ROBO1: variants seen among roughly 807,000 people sequenced by gnomAD.
The protein encoded by ROBO1 is roundabout guidance receptor 1.
ROBO1 carries 149 observed loss-of-function variants against 195.9 expected under a neutral mutation model. That is an observed-to-expected ratio of 0.76 (90% confidence interval 0.67 to 0.87). ROBO1 has a LOEUF of 0.87. Ranked by LOEUF, ROBO1 falls within the 40% of genes least tolerant of loss-of-function variation. ROBO1 has a pLI of 0.00. For synonymous variants in ROBO1, 816 were observed against 733.2 expected, an observed-to-expected ratio of 1.11 and a Z score of -1.82; for missense variants, 1,933 against 2,068.3, an observed-to-expected ratio of 0.93 and a Z score of 1.27.
chr3:78,789,284 T>C (rs980167337), intron 4 of ROBO1, among the ~76,000 whole-genome samples: 7 of 152,184 alleles, frequency 4.6e-5, no homozygotes, highest in African/African-American at 1.7e-4. Context: ...TTGATATTGA[T>C]AATAGCATTC....
chr3:78,951,978 T>C (rs111574801), intron 3 of ROBO1, among the ~76,000 whole-genome samples: 1 of 151,784 alleles, frequency 6.6e-6, no homozygotes. Context: ...GAATTATATA[T>C]ATAATTTTAT....
intron 2 of ROBO1, among the ~76,000 whole-genome samples, chr3:79,310,246 G>A (rs1412408868): frequency 6.6e-6 from 1 of 152,130 alleles, no homozygotes; most frequent in Non-Finnish European, 1.5e-5. Context: ...CTCATATTGT[G>A]CACCCTGACT....
chr3:78,634,370 A>G (rs909682095), intron 23 of ROBO1: 4 of 188,234 alleles, frequency 2.1e-5, no homozygotes, highest in Non-Finnish European at 4.6e-5. Context: ...AATAAAAAAT[A>G]TATCTATGAT....
At position 79,390,638 on chromosome 3, in the gene ROBO1, G is replaced by T. The variant is rs375569929; in HGVS notation, c.88+199186C>A. Among the ~76,000 whole-genome samples, 7 of 152,226 alleles carry T rather than the reference G, an allele frequency of 4.6e-5. No homozygotes were observed. In the East Asian group the frequency reaches 9.7e-4, roughly 21 times the overall value. ...TAAGAGGCAAACAAAGAAGTGATCT[G>T]CATTCAACAAAATGAAGATGGCTGA... On this transcript the variant is annotated intron_variant, in intron 2 of 30. Transcript: ENST00000464233.
At chr3:79,626,457 C>CA (rs951643082) in intron 1 of ROBO1, among the ~76,000 whole-genome samples, 7 of 151,500 alleles carry the variant, frequency 4.6e-5, no homozygotes, top group Non-Finnish European at 7.4e-5. Flanking sequence ...AAAACAAAAA[C>CA]AAAAAAACCT....
rs564815710 is a variant in ROBO1, at chr3:79,481,150, G to A, written c.88+108674C>T. Among the ~76,000 whole-genome samples, 9 of 152,176 alleles carry A rather than the reference G, an allele frequency of 5.9e-5. No individual in the cohort carries two copies. The South Asian group carries it at 1.9e-3, about 32-fold the overall frequency. The stretch of plus-strand genomic sequence containing the variant: ...GAATAATGAAATCCATCTATAGAAA[G>A]AAATCGACTGCCTTGCAACGAAAAT... On this transcript the variant is annotated intron_variant, in intron 2 of 30. Transcript: ENST00000464233.
chr3:79,724,506 C>T (rs1430079465), intron 1 of ROBO1, among the ~76,000 whole-genome samples: 1 of 152,196 alleles, frequency 6.6e-6, no homozygotes, highest in East Asian at 1.9e-4. Context: ...AGACTTATGT[C>T]TTGTTAACAG....
At chr3:78,987,484 A>G (rs2077136827) in intron 3 of ROBO1, among the ~76,000 whole-genome samples, 1 of 152,140 alleles carries the variant, frequency 6.6e-6, no homozygotes, top group Non-Finnish European at 1.5e-5. Flanking sequence ...GAGGGAGACT[A>G]GCCATCCTTC....
chr3:78,945,614 C>G (rs1334307738), intron 3 of ROBO1, among the ~76,000 whole-genome samples: 2 of 152,156 alleles, frequency 1.3e-5, no homozygotes, highest in Admixed American at 6.5e-5. Flanking sequence ...CAGAGCGCCT[C>G]TCCTCCTCCA....
Position 79,567,950 on chromosome 3 carries a change from A to G in ROBO1, c.88+21874T>C, listed in dbSNP as rs115031799. 5.9e-3 allele frequency among the ~76,000 whole-genome samples: 899 copies of G among 152,300 alleles called. 11 individuals carry two copies. The highest frequency in any genetic ancestry group is 0.031 in the Middle Eastern group (9 of 292). On this transcript the variant is annotated intron_variant, in intron 2 of 30. Coordinates refer to ENST00000464233, the MANE Select transcript of ROBO1 (RefSeq NM_002941.4). The stretch of plus-strand genomic sequence containing the variant: ...TTCTAAAAAAAGTATGGATTTTATT[A>G]TACCAATCTTTCTTAGATATGTTTT...
chr3:78,834,180 G>A (rs1034081524), intron 4 of ROBO1, among the ~76,000 whole-genome samples: 1 of 151,980 alleles, frequency 6.6e-6, no homozygotes, highest in Non-Finnish European at 1.5e-5. Flanking sequence ...GATTAAAGCA[G>A]TTTTTATAGA....
intron 2 of ROBO1, among the ~76,000 whole-genome samples, chr3:79,292,383 G>C (rs952146208): frequency 2.0e-5 from 3 of 152,104 alleles, no homozygotes; most frequent in Non-Finnish European, 4.4e-5. Flanking sequence ...TCTTTTGATT[G>C]ATTTCCCTGG....
intron 2 of ROBO1, among the ~76,000 whole-genome samples, chr3:79,221,959 A>T (rs555243267): frequency 6.6e-6 from 1 of 152,200 alleles, no homozygotes; most frequent in South Asian, 2.1e-4. Flanking sequence ...TAGTTCTATT[A>T]TGGTAAAAAT....
At chr3:79,065,607 A>G (rs938320076) in intron 3 of ROBO1, among the ~76,000 whole-genome samples, 2 of 151,974 alleles carry the variant, frequency 1.3e-5, no homozygotes, top group African/African-American at 4.8e-5. Context: ...GCCAATTTGA[A>G]AGGACTCTAT....
chr3:78,971,006 A>G (rs2076753078), intron 3 of ROBO1, among the ~76,000 whole-genome samples: 1 of 152,174 alleles, frequency 6.6e-6, no homozygotes, highest in Non-Finnish European at 1.5e-5. Flanking sequence ...CACATACAAT[A>G]CTAGAATACA....
intron 8 of ROBO1, among the ~76,000 whole-genome samples, chr3:78,710,837 A>G (rs900247019): frequency 1.3e-5 from 2 of 152,236 alleles, no homozygotes; most frequent in Non-Finnish European, 2.9e-5. Flanking sequence ...TTCATCAAGT[A>G]ACTCCTCATT....
chr3:79,045,689 C>T (rs1187590546), intron 3 of ROBO1, among the ~76,000 whole-genome samples: 2 of 152,006 alleles, frequency 1.3e-5, no homozygotes, highest in Admixed American at 6.6e-5. Context: ...CTAGACGGTG[C>T]CCTACAAATA....
In ROBO1 at chr3:79,186,918, T is replaced by C. The variant is rs142886085; in HGVS notation, c.89-61379A>G. 5.3e-3 allele frequency among the ~76,000 whole-genome samples: 804 copies of C among 152,214 alleles called. 7 individuals are homozygous for C. The highest frequency in any genetic ancestry group is 0.018 in the African/African-American group (763 of 41,560). On this transcript the variant is annotated intron_variant, in intron 2 of 30. Transcript: ENST00000464233. ...GGACTGGGAGTGTAAGTGATAACGA[T>C]GATTTATCTGGGAAAGCTTTACTGC... is the stretch of plus-strand genomic sequence containing the variant.
At chr3:79,735,911 A>C (rs1355710813) in intron 1 of ROBO1, among the ~76,000 whole-genome samples, 1 of 151,886 alleles carries the variant, frequency 6.6e-6, no homozygotes, top group Non-Finnish European at 1.5e-5. Context: ...AAAATGCCTG[A>C]CACTGCCTCA....
Sources: allele counts gnomAD v4.1 joint callset (sites outside exome capture counted in the v4.1 genomes callset), GRCh38; gene constraint gnomAD v4.1.1; transcripts MANE v1.5; gene names NCBI Gene and HGNC (gene_info 2026-07-23, HGNC 2026-07-21).